Variants in TLN1 observed in about 807,000 individuals in gnomAD.
The protein encoded by TLN1 is talin 1.
A neutral mutation model predicts 292.3 loss-of-function variants in TLN1; 56 were observed. The ratio of observed to expected loss-of-function variants is 0.19; its 90% CI spans 0.15 to 0.24. The LOEUF (loss-of-function observed/expected upper bound fraction) is 0.24, where lower values mean the gene tolerates loss of function less well. Among genes scored for constraint, TLN1 ranks in the 10% least tolerant of loss-of-function variants. The pLI, the probability that TLN1 is intolerant of heterozygous loss-of-function variation, is 1.00. For synonymous variants in TLN1, 1,119 were observed against 1,253.7 expected (o/e 0.89, Z 2.27); for missense variants, 2,433 against 3,248.2 (o/e 0.75, Z 6.10).
intron 1 of TLN1, among the ~76,000 whole-genome samples, chr9:35,726,154 C>T (rs944634773): frequency 3.9e-5 from 6 of 152,310 alleles, no homozygotes; most frequent in Non-Finnish European, 8.8e-5. Context: ...CCTCGTGATC[C>T]ACCTTGGCCT....
Position 35,698,558 on chromosome 9 carries a change from C to T in TLN1, c.7189-53G>A. ...TATGCCCCTTGCCCTGGTCCATCCC[C>T]ACTCCAGCCTTCTCAAGTCTCTCAA... On this transcript the variant is annotated intron_variant, in intron 54 of 56. Transcript: ENST00000314888. This position sits in a 1 kb window ranked among gnomAD's most constrained non-coding sequence, Gnocchi z 5.3. 1 of 1,613,986 alleles carries T rather than the reference C, an allele frequency of 6.2e-7. No homozygotes were observed. Among genetic ancestry groups the T allele is most frequent in the Non-Finnish European group, 8.5e-7 (1 of 1,180,012 alleles).
rs1825788532 is a variant in TLN1 at position 35,716,625 on chromosome 9, TG to T, written c.2459-70del. The T allele has an allele frequency of 2.6e-6, 4 of 1,547,338 alleles. No individual in the cohort carries two copies. The South Asian group carries it at 3.5e-5, about 14-fold the overall frequency. On this transcript the variant is annotated intron_variant, in intron 19 of 56. Transcript: ENST00000314888. ...GAGGTGTCAGGGGTGGGGACAAAGG[TG>T]GGGAAAAGTGGTGTAGACAAGGTAG...
intron 8 of TLN1, 122 bp from the exon 9 acceptor site, chr9:35,722,345 G>A: frequency 1.2e-6 from 1 of 847,156 alleles, no homozygotes; most frequent in Non-Finnish European, 2.0e-6. Context: ...AGGAGTACAA[G>A]ATATGAGAAC....
chr9:35,715,337 G>C, intron 20 of TLN1, 150 bp from the exon 21 acceptor site: 1 of 1,139,788 alleles, frequency 8.8e-7, no homozygotes, highest in South Asian at 1.6e-5. Context: ...TCACCTTTGA[G>C]AGGAGCTGAC....
intron 33 of TLN1, among the ~76,000 whole-genome samples, chr9:35,709,036 C>T (rs1444065639): frequency 6.6e-6 from 1 of 152,234 alleles, no homozygotes; most frequent in Non-Finnish European, 1.5e-5. Flanking sequence ...TCAATCAATA[C>T]ACAGTAGCTT....
rs1468937293 is a variant in TLN1 at position 35,697,801 on chromosome 9, T to A, written c.7616A>T (p.Asp2539Val). The change falls in exon 57 of 57, where the codon GAT (aspartate) becomes GTT (valine). Residue 2539 changes from aspartate to valine, a missense_variant. Asp to Val is a radical substitution (Grantham distance 152). Around this residue, in one of 7 missense-constraint regions of TLN1, gnomAD observed 141 missense variants for 248.5 expected, o/e 0.57. Coordinates refer to ENST00000314888, the MANE Select transcript of TLN1 (RefSeq NM_006289.4). ...ATAGAAGAGGCTTCTTTAGTGCTCA[T>A]CTCGAAGCTCTGAAGGCAGAAACTT... is the stretch of plus-strand genomic sequence containing the variant. ...QYKFLPSELRDEH is the reference protein window; with the variant it reads ...QYKFLPSELRVEH 2 of 1,614,074 alleles carry A rather than the reference T, an allele frequency of 1.2e-6. No homozygotes were observed. Among genetic ancestry groups the A allele is most frequent in the Admixed American group, 1.7e-5 (1 of 60,028 alleles).
intron 7 of TLN1, 104 bp downstream of exon 7, chr9:35,723,845 GGAA>G (rs1220500533): frequency 6.5e-7 from 1 of 1,538,036 alleles, no homozygotes; most frequent in East Asian, 2.3e-5. Flanking sequence ...CTGGTACCTC[GGAA>G]GAAGAAATAG....
chr9:35,713,210 T>C lies in TLN1; in HGVS notation c.3338A>G (p.Asn1113Ser). The C allele has an allele frequency of 2.5e-6, 4 of 1,594,720 alleles. No homozygotes were observed. The highest frequency in any genetic ancestry group is 3.4e-6 in the Non-Finnish European group (4 of 1,163,808). ...AQLLGEVAQG[N>S]ENYAGIAARD... ...TGCCCACATACCTGCATAATTCTCA[T>C]TGCCCTGGGCAACCTCTCCCAGTAG... The change falls in exon 26 of 57, where the codon AAT becomes AGT. Residue 1113 changes from asparagine (N) to serine (S), a missense_variant. Physicochemically the swap from Asn to Ser is conservative, Grantham distance 46. Coordinates refer to ENST00000314888, the MANE Select transcript of TLN1 (RefSeq NM_006289.4).
Position 35,711,054 on chromosome 9 carries a change from T to C in TLN1, c.4048A>G (p.Ile1350Val). Residue 1350 changes from isoleucine (I) to valine (V), a missense_variant, in exon 31 of 57, where the codon ATC becomes GTC. This residue lies in a region of TLN1 where 1,384 missense variants were observed against 1,699.6 expected (regional missense o/e 0.81). Transcript: ENST00000314888. ...RAVTDSINQL[I>V]TMCTQQAPGQ... Reference sequence around the variant, plus strand: ...GGTGCCTGCTGGGTGCACATAGTGATGAGCTGATTGATGCTGTCAGTTACT... The same window carrying C: ...GGTGCCTGCTGGGTGCACATAGTGACGAGCTGATTGATGCTGTCAGTTACT... The C allele has an allele frequency of 1.2e-6, 2 of 1,613,272 alleles. No homozygotes were observed. Among genetic ancestry groups the C allele is most frequent in the Non-Finnish European group, 1.7e-6 (2 of 1,179,180 alleles).
At chr9:35,703,534 CA>C (rs1254331826) in intron 48 of TLN1, 25 bp downstream of exon 48, 4 of 1,602,108 alleles carry the variant, frequency 2.5e-6, no homozygotes, top group African/African-American at 1.3e-5. Context: ...TGACCCTAGT[CA>C]CTGATGCCCC....
chr9:35,704,088 G>A lies in TLN1; in HGVS notation c.6134C>T (p.Ala2045Val), dbSNP rs756462203. The part of the protein sequence containing the change: ...QNAAGSQEKL[A>V]QAAQSSVATI... The stretch of plus-strand genomic sequence containing the variant: ...CGCCACGGAGGACTGGGCAGCCTGC[G>A]CCAACTTCTCCTGGCTCCCAGCTGC... Residue 2045 changes from alanine to valine, a missense_variant, in exon 46 of 57, where the codon GCG (alanine) becomes GTG (valine). Transcript: ENST00000314888. This position sits in a 1 kb window ranked among gnomAD's most constrained non-coding sequence, Gnocchi z 6.9. 23 of 1,613,486 alleles carry A rather than the reference G, an allele frequency of 1.4e-5. No homozygotes were observed. The highest frequency in any genetic ancestry group is 2.7e-5 in the African/African-American group (2 of 74,892).
chr9:35,720,056 C>T lies in TLN1; in HGVS notation c.1447G>A (p.Gly483Arg), dbSNP rs1349253474. The stretch of plus-strand genomic sequence containing the variant: ...ACACTTACCAGAGGAGGCATGTGTC[C>T]TCGGTGCATCTGGCCGCTGGTAATC... ...QQITSGQMHR[G>R]HMPPLTSAQQ... Residue 483 changes from glycine to arginine, a missense_variant, in exon 13 of 57, where the codon GGA (glycine) becomes AGA (arginine). Gly to Arg is a moderately radical substitution (Grantham distance 125). This residue lies in a region of TLN1 where 617 missense variants were observed against 770.6 expected (regional missense o/e 0.80). Transcript: ENST00000314888. 6.3e-7 allele frequency: 1 copy of T among 1,593,232 alleles called. No individual in the cohort carries two copies. The highest frequency in any genetic ancestry group is 8.5e-7 in the Non-Finnish European group (1 of 1,170,354).
intron 20 of TLN1, among the ~76,000 whole-genome samples, chr9:35,716,049 T>G (rs774850246): frequency 7.2e-5 from 11 of 152,034 alleles, no homozygotes; most frequent in Non-Finnish European, 1.3e-4. Context: ...ATATGTAAAA[T>G]TATGTCAATT....
At chr9:35,716,020 G>A (rs1315327050) in intron 20 of TLN1, among the ~76,000 whole-genome samples, 12 of 151,980 alleles carry the variant, frequency 7.9e-5, no homozygotes. Flanking sequence ...GTATTGAAAT[G>A]TCACTATGTA....
Position 35,707,332 on chromosome 9 carries a change from C to T in TLN1, c.4773+16G>A. On this transcript the variant is annotated intron_variant, in intron 36 of 56. Transcript: ENST00000314888. The surrounding 1 kb of genome is among the most constrained non-coding windows in gnomAD (Gnocchi z 5.6). Reference sequence around the variant, plus strand: ...TGATAAGCTGGCCCATCAGTTCCCCCTTCACATCGCCTCACCTCAGGGCTG... The same window carrying T: ...TGATAAGCTGGCCCATCAGTTCCCCTTTCACATCGCCTCACCTCAGGGCTG... 1 of 1,612,994 alleles carries T rather than the reference C, an allele frequency of 6.2e-7. No homozygotes were observed. The highest frequency in any genetic ancestry group is 8.5e-7 in the Non-Finnish European group (1 of 1,179,120).
chr9:35,704,060 G>A lies in TLN1; in HGVS notation c.6162C>T (p.Thr2054=). 6.2e-7 allele frequency: 1 copy of A among 1,613,804 alleles called. No homozygotes were observed. The highest frequency in any genetic ancestry group is 8.5e-7 in the Non-Finnish European group (1 of 1,179,906). ...LAQAAQSSVA[T]ITRLADVVKL... ...TGACCACATCAGCGAGGCGGGTGAT[G>A]GTCGCCACGGAGGACTGGGCAGCCT... Residue 2054 remains threonine, a synonymous_variant, in exon 46 of 57, where the codon ACC becomes ACT. Transcript: ENST00000314888. This position sits in a 1 kb window ranked among gnomAD's most constrained non-coding sequence, Gnocchi z 6.9.
intron 33 of TLN1, among the ~76,000 whole-genome samples, chr9:35,709,226 C>T (rs1422200156): frequency 5.3e-5 from 8 of 152,198 alleles, no homozygotes; most frequent in South Asian, 2.1e-4. Flanking sequence ...ACCCGGGAGG[C>T]GGAGGTTGCA....
At position 35,722,131 on chromosome 9, in the gene TLN1, G is replaced by A; in HGVS notation, c.936C>T (p.Phe312=). ...GCCCATAACCTACCTTCACCAGGAA[G>A]AAGGAGACACCGTAAGTCTTGAGAG... is the stretch of plus-strand genomic sequence containing the variant. ...ARSLKTYGVS[F]FLVKEKMKGK... The change falls in exon 9 of 57, where the codon TTC becomes TTT. Residue 312 remains phenylalanine (F), a synonymous_variant. Transcript: ENST00000314888. 6 of 1,614,164 alleles carry A rather than the reference G, an allele frequency of 3.7e-6. No homozygotes were observed. The highest frequency in any genetic ancestry group is 2.7e-5 in the African/African-American group (2 of 75,050).
intron 33 of TLN1, 115 bp downstream of exon 33, chr9:35,710,446 T>C (rs754184329): frequency 8.6e-5 from 124 of 1,442,256 alleles, no homozygotes; most frequent in Middle Eastern, 5.2e-4. Flanking sequence ...CCAGATTCCA[T>C]AGAGTTGGCT....
Sources: gnomAD v4.1 joint callset for allele counts (sites outside exome capture counted in the v4.1 genomes callset) on GRCh38, gnomAD v4.1.1 for gene constraint, gnomAD v4.1.1 regional missense constraint, Gnocchi (gnomAD v3.1) non-coding constraint, MANE v1.5 for transcripts, NCBI Gene and HGNC (gene_info 2026-07-23, HGNC 2026-07-21) for gene names.